The following ADAM19 variants were observed in gnomAD, a reference collection of about 807,000 sequenced individuals.
ADAM19 encodes the protein ADAM metallopeptidase domain 19.
A neutral mutation model predicts 114.7 loss-of-function variants in ADAM19; 65 were observed. The observed-to-expected ratio is 0.57, with a 90% CI of 0.46 to 0.70. The LOEUF is 0.70. Ranked by LOEUF, ADAM19 falls within the 30% of genes least tolerant of loss-of-function variation. The pLI is 0.00. For synonymous variants in ADAM19, 466 were observed against 460.5 expected, an observed-to-expected ratio of 1.01 and a Z score of -0.15; for missense variants, 1,063 against 1,204.7, an observed-to-expected ratio of 0.88 and a Z score of 1.74.
intron 5 of ADAM19, among the ~76,000 whole-genome samples, chr5:157,529,771 C>A (rs768051491): frequency 6.6e-6 from 1 of 152,198 alleles, no homozygotes. Context: ...ACAAATGAGA[C>A]CACTGGGACC....
chr5:157,519,614 C>T (rs1756213371), intron 6 of ADAM19, among the ~76,000 whole-genome samples: 1 of 152,220 alleles, frequency 6.6e-6, no homozygotes, highest in South Asian at 2.1e-4. Context: ...TTTCTGAAGT[C>T]AGCATCTGAG....
intron 9 of ADAM19, 113 bp downstream of exon 9, chr5:157,509,188 C>T (rs1410065106): frequency 1.8e-6 from 2 of 1,103,380 alleles, no homozygotes; most frequent in Non-Finnish European, 2.5e-6. Context: ...ACCAGGGAGT[C>T]AGAATGGCCT....
intron 5 of ADAM19, among the ~76,000 whole-genome samples, chr5:157,521,737 C>T (rs569410313): frequency 2.0e-4 from 30 of 152,324 alleles, no homozygotes; most frequent in Admixed American, 8.5e-4. Context: ...GCAAGGGTCG[C>T]ATCCACTCCC....
intron 21 of ADAM19, among the ~76,000 whole-genome samples, chr5:157,483,692 G>A (rs562256881): frequency 6.7e-6 from 1 of 150,302 alleles, no homozygotes; most frequent in South Asian, 2.1e-4. Flanking sequence ...GGAGTGTAAT[G>A]GCATGATCTC....
intron 1 of ADAM19, among the ~76,000 whole-genome samples, chr5:157,575,195 C>A (rs952002758): frequency 6.6e-6 from 1 of 152,128 alleles, no homozygotes; most frequent in Non-Finnish European, 1.5e-5. Context: ...GCAGGGCGCT[C>A]GGGATGCTCG....
At chr5:157,546,718 TG>T (rs1446505894) in intron 3 of ADAM19, among the ~76,000 whole-genome samples, 2 of 152,016 alleles carry the variant, frequency 1.3e-5, no homozygotes, top group African/African-American at 4.8e-5. Flanking sequence ...CCGGGGAGAC[TG>T]ATGCAAGAGG....
At chr5:157,504,153 C>A (rs1003383826) in intron 11 of ADAM19, among the ~76,000 whole-genome samples, 3 of 152,146 alleles carry the variant, frequency 2.0e-5, no homozygotes, top group Admixed American at 6.6e-5. Flanking sequence ...TTCAGATACG[C>A]TTTTTAGATT....
In ADAM19 at chr5:157,517,196, A is replaced by G. The variant is rs371921658; in HGVS notation, c.666+1627T>C. Among the ~76,000 whole-genome samples the G allele has an allele frequency of 4.6e-4, 70 of 152,278 alleles. No individual in the cohort carries two copies. The South Asian group carries it at 0.014, about 31-fold the overall frequency. On this transcript the variant is annotated intron_variant, in intron 7 of 22. Coordinates refer to ENST00000257527, the MANE Select transcript of ADAM19 (RefSeq NM_033274.5). ...GCAGCCTAGTGCTCTCCCCACCACC[A>G]GGCCCTGCTGCCAGGACACATGCTT...
At chr5:157,513,604 T>C in intron 7 of ADAM19, 99 bp from the exon 8 acceptor site, 1 of 1,087,722 alleles carries the variant, frequency 9.2e-7, no homozygotes, top group Admixed American at 1.8e-5. Context: ...TATTTTCTTC[T>C]GTCTTCTATG....
chr5:157,507,101 G>A lies in ADAM19; in HGVS notation c.945C>T (p.Pro315=). 6.2e-7 allele frequency: 1 copy of A among 1,614,120 alleles called. No individual in the cohort carries two copies. The highest frequency in any genetic ancestry group is 1.1e-5 in the South Asian group (1 of 91,080). The change falls in exon 10 of 23, where the codon CCC becomes CCT. Residue 315 remains proline (P), a synonymous_variant. Coordinates refer to ENST00000257527, the MANE Select transcript of ADAM19 (RefSeq NM_033274.5). ...GGTACACAGAGCACATGGCCATGAG[G>A]GGGGCCAGGCCGATGGTGGTGCCGT... ...SFHGTTIGLA[P]LMAMCSVYQS... is the part of the protein sequence containing the mutation.
At chr5:157,567,453 T>G (rs903878112) in intron 2 of ADAM19, among the ~76,000 whole-genome samples, 1 of 152,216 alleles carries the variant, frequency 6.6e-6, no homozygotes, top group Non-Finnish European at 1.5e-5. Context: ...GGCAGTGCCC[T>G]GCCCAATCAC....
At chr5:157,503,089 T>G in intron 11 of ADAM19, 109 bp from the exon 12 acceptor site, 3 of 918,902 alleles carry the variant, frequency 3.3e-6, no homozygotes, top group Non-Finnish European at 5.0e-6. Flanking sequence ...TCCACCTGGG[T>G]TCAGACCCCC....
intron 5 of ADAM19, among the ~76,000 whole-genome samples, chr5:157,521,838 C>T (rs7732712): frequency 0.02 from 3,113 of 152,314 alleles, 123 homozygotes; most frequent in African/African-American, 0.071. Context: ...AGGCCTCTCC[C>T]ATCACCTCAG....
chr5:157,494,263 A>G (rs374590824), intron 15 of ADAM19, among the ~76,000 whole-genome samples: 9 of 150,894 alleles, frequency 6.0e-5, no homozygotes, highest in African/African-American at 9.8e-5. Context: ...ATGGATGGAT[A>G]GATGGATGGA....
chr5:157,538,995 T>C (rs1464542392), intron 3 of ADAM19, among the ~76,000 whole-genome samples: 1 of 151,928 alleles, frequency 6.6e-6, no homozygotes, highest in African/African-American at 2.4e-5. Flanking sequence ...TGAAACCCCA[T>C]CTCTACTAAA....
intron 3 of ADAM19, among the ~76,000 whole-genome samples, chr5:157,543,660 G>A (rs754389198): frequency 6.6e-6 from 1 of 152,056 alleles, no homozygotes; most frequent in Non-Finnish European, 1.5e-5. Flanking sequence ...TCTAGGTAAT[G>A]GGCATCTGAG....
In ADAM19 at chr5:157,514,359, C is replaced by T. The variant is rs192099713; in HGVS notation, c.667-854G>A. Among the ~76,000 whole-genome samples the T allele has an allele frequency of 3.6e-3, 536 of 148,032 alleles. 6 individuals carry two copies. Among genetic ancestry groups the T allele is most frequent in the African/African-American group, 0.013 (501 of 39,562 alleles). On this transcript the variant is annotated intron_variant, in intron 7 of 22. Transcript: ENST00000257527. ...TTTTTTTTTTTTTGAGACAGAGTCT[C>T]GCTCTTGTTGCCCAGGCTGGAGTGC...
At chr5:157,481,059 T>C in intron 22 of ADAM19, 57 bp from the exon 23 acceptor site, 6 of 1,611,022 alleles carry the variant, frequency 3.7e-6, no homozygotes, top group Non-Finnish European at 5.1e-6. Flanking sequence ...ATCAATGGGA[T>C]CAAGGGGGCA....
intron 14 of ADAM19, among the ~76,000 whole-genome samples, chr5:157,495,121 T>C (rs186726889): frequency 1.5e-4 from 23 of 151,552 alleles, no homozygotes; most frequent in African/African-American, 5.3e-4. Context: ...CCCGAGTAGC[T>C]GGGATGACAA....
Sources: allele counts gnomAD v4.1 joint callset (sites outside exome capture counted in the v4.1 genomes callset), GRCh38; gene constraint gnomAD v4.1.1; transcripts MANE v1.5; gene names NCBI Gene and HGNC (gene_info 2026-07-23, HGNC 2026-07-21).